Variants in IGSF11 observed in about 807,000 individuals in gnomAD.
The protein encoded by IGSF11 is CXADR like 1.
In IGSF11, 22 loss-of-function variants were observed where a neutral mutation model predicts 41.0. The ratio of observed to expected loss-of-function variants is 0.54; its 90% CI spans 0.38 to 0.77. The LOEUF (loss-of-function observed/expected upper bound fraction) is 0.77. IGSF11 is among the 30% of genes least tolerant of loss of function. IGSF11 has a pLI of 0.00. For missense variants in IGSF11, 444 were observed against 530.8 expected, an observed-to-expected ratio of 0.84 and a Z score of 1.61; for synonymous variants, 219 against 201.3, an observed-to-expected ratio of 1.09 and a Z score of -0.74.
chr3:118,957,297 T>C (rs1280415033), intron 1 of IGSF11, among the ~76,000 whole-genome samples: 2 of 152,188 alleles, frequency 1.3e-5, no homozygotes, highest in Non-Finnish European at 2.9e-5. Context: ...CAAATGCTAA[T>C]CTCAGCTAGA....
At chr3:119,015,979 G>T (rs931888626) in intron 1 of IGSF11, among the ~76,000 whole-genome samples, 4 of 152,182 alleles carry the variant, frequency 2.6e-5, no homozygotes, top group Admixed American at 6.5e-5. Context: ...ACCACTGAAT[G>T]GGGGTGCAGG....
chr3:119,105,191 A>G (rs761767640), exon 1 of IGSF11: 2 of 1,601,338 alleles, frequency 1.2e-6, no homozygotes, highest in South Asian at 1.1e-5. Context: ...CACCAGAGAC[A>G]TTTATTCTTC....
intron 1 of IGSF11, among the ~76,000 whole-genome samples, chr3:119,002,440 G>T (rs1031480562): frequency 1.3e-5 from 2 of 148,434 alleles, no homozygotes; most frequent in African/African-American, 2.6e-5. Flanking sequence ...CACTCTGATG[G>T]TACTTTCTTT....
chr3:119,073,652 G>A (rs2076441576), intron 1 of IGSF11, among the ~76,000 whole-genome samples: 1 of 152,212 alleles, frequency 6.6e-6, no homozygotes, highest in Admixed American at 6.5e-5. Context: ...CAGGTGCTAA[G>A]CCCCTCACTG....
intron 4 of IGSF11, among the ~76,000 whole-genome samples, chr3:118,916,027 A>T (rs1941038252): frequency 6.8e-6 from 1 of 146,704 alleles, no homozygotes; most frequent in East Asian, 2.0e-4. Flanking sequence ...GTGAAGGAGA[A>T]ATAAAATACT....
At chr3:118,948,173 A>T (rs888925562) in intron 1 of IGSF11, 1 of 152,376 alleles carries the variant, frequency 6.6e-6, no homozygotes, top group Non-Finnish European at 1.5e-5. Flanking sequence ...GCTGAAACGC[A>T]CTGTGTCTTT....
At chr3:119,105,201 C>T in exon 1 of IGSF11, 2 of 1,598,254 alleles carry the variant, frequency 1.3e-6, no homozygotes, top group Non-Finnish European at 1.7e-6. Flanking sequence ...ATTTATTCTT[C>T]TTGCCTGAGG....
intron 1 of IGSF11, among the ~76,000 whole-genome samples, chr3:119,048,913 C>T (rs1197676370): frequency 3.2e-3 from 490 of 152,274 alleles, no homozygotes; most frequent in African/African-American, 0.011. Context: ...ATTATCTCAA[C>T]AGATGCAGAA....
At chr3:118,953,694 T>C (rs985562727) in intron 1 of IGSF11, among the ~76,000 whole-genome samples, 15 of 152,074 alleles carry the variant, frequency 9.9e-5, no homozygotes, top group African/African-American at 3.4e-4. Context: ...TGGCCACTTG[T>C]ATGTCTTCTT....
intron 1 of IGSF11, among the ~76,000 whole-genome samples, chr3:119,055,290 GCAGCTTCTCAC>G (rs146453595): frequency 0.2 from 30,356 of 152,030 alleles, 4,071 homozygotes; most frequent in African/African-American, 0.37. Context: ...CCAAAGGAAT[GCAGCTTCTCAC>G]CAGCAATGGA....
chr3:119,041,763 G>A (rs1941126573), intron 1 of IGSF11, among the ~76,000 whole-genome samples: 1 of 152,104 alleles, frequency 6.6e-6, no homozygotes, highest in African/African-American at 2.4e-5. Context: ...CAGAAAACGT[G>A]GATAGTCCTG....
chr3:118,923,587 C>A (rs950098354), intron 4 of IGSF11, among the ~76,000 whole-genome samples: 3 of 152,258 alleles, frequency 2.0e-5, no homozygotes, highest in African/African-American at 7.2e-5. Context: ...TCATCTTAAC[C>A]CACTTATGCC....
chr3:118,938,144 G>C (rs974074741), intron 1 of IGSF11, among the ~76,000 whole-genome samples: 1 of 151,746 alleles, frequency 6.6e-6, no homozygotes, highest in African/African-American at 2.4e-5. Context: ...ATATTACGTG[G>C]GTAGCATTAA....
chr3:119,085,156 C>T (rs1321522120), intron 1 of IGSF11, among the ~76,000 whole-genome samples: 1 of 152,200 alleles, frequency 6.6e-6, no homozygotes, highest in African/African-American at 2.4e-5. Context: ...GAGGTCACCT[C>T]TCTCCCCCTC....
At chr3:119,052,455 G>A (rs1941664237) in intron 1 of IGSF11, among the ~76,000 whole-genome samples, 1 of 142,056 alleles carries the variant, frequency 7.0e-6, no homozygotes, top group Admixed American at 7.1e-5. Flanking sequence ...GGGAGGAAGA[G>A]AGGGAGGGAG....
chr3:119,138,278 T>C (rs1366616105), intron 1 of IGSF11, among the ~76,000 whole-genome samples: 2 of 152,188 alleles, frequency 1.3e-5, no homozygotes, highest in Non-Finnish European at 1.5e-5. Context: ...CCCATGTTTA[T>C]TGCTGCACTA....
At chr3:118,924,196 G>A (rs1352949568) in intron 4 of IGSF11, among the ~76,000 whole-genome samples, 8 of 151,912 alleles carry the variant, frequency 5.3e-5, no homozygotes, top group Admixed American at 5.2e-4. Flanking sequence ...TCCTAGATTT[G>A]GCCAGAGCGA....
chr3:119,000,996 T>A (rs553421615), intron 1 of IGSF11, among the ~76,000 whole-genome samples: 49 of 152,292 alleles, frequency 3.2e-4, no homozygotes, highest in African/African-American at 1.0e-3. Context: ...ATTCCTTGCC[T>A]ATTCTGACTG....
At chr3:119,117,502 GC>G (rs1305071555) in intron 1 of IGSF11, among the ~76,000 whole-genome samples, 1 of 152,030 alleles carries the variant, frequency 6.6e-6, no homozygotes, top group Non-Finnish European at 1.5e-5. Flanking sequence ...GGAAAGACCT[GC>G]CCCCCATGAT....
Sources: gnomAD v4.1 joint callset for allele counts (sites outside exome capture counted in the v4.1 genomes callset) on GRCh38, gnomAD v4.1.1 for gene constraint, MANE v1.5 for transcripts, NCBI Gene and HGNC (gene_info 2026-07-23, HGNC 2026-07-21) for gene names.